Variants in CHM observed in about 807,000 individuals in gnomAD.
The protein encoded by CHM is rab proteins geranylgeranyltransferase component A 1.
In CHM, 10 loss-of-function variants were observed where a neutral mutation model predicts 49.0. That is an observed-to-expected ratio of 0.20 (90% CI 0.13 to 0.35). CHM has a LOEUF of 0.35. CHM is among the 10% of genes least tolerant of loss of function. The pLI is 1.00. For synonymous variants in CHM, 184 were observed against 167.5 expected (o/e 1.10, Z -0.76); for missense variants, 455 against 478.4 (o/e 0.95, Z 0.46).
intron 14 of CHM, among the ~76,000 whole-genome samples, chrX:85,865,241 A>C (rs751943077): frequency 1.2e-4 from 13 of 111,675 alleles, no homozygotes; most frequent in Non-Finnish European, 1.9e-4. Flanking sequence ...GGGGGTGACT[A>C]GATTATGGGG....
intron 8 of CHM, among the ~76,000 whole-genome samples, chrX:85,922,570 G>A (rs1927856525): frequency 8.9e-6 from 1 of 112,784 alleles, no homozygotes; most frequent in Admixed American, 9.4e-5. Context: ...CTCAAGAGCA[G>A]TAGCTAAATA....
rs754387257 is a variant in CHM at position 85,955,369 on chromosome X, C to CT, written c.1166+783dup. 1.1e-3 allele frequency among the ~76,000 whole-genome samples: 120 copies of CT among 111,086 alleles called. 1 individual carries two copies. The highest frequency in any genetic ancestry group is 3.8e-3 in the South Asian group (10 of 2,604). ...TCATGTACCCCACAAACACATATGCCTCCTATGTACCCACAAAAAATAAAA... is the reference window on the plus strand; with the variant it reads ...TCATGTACCCCACAAACACATATGCCTTCCTATGTACCCACAAAAAATAAAA... On this transcript the variant is annotated intron_variant, in intron 8 of 14. Transcript: ENST00000357749.
chrX:85,890,055 G>A (rs899252577), intron 12 of CHM, among the ~76,000 whole-genome samples: 1 of 111,101 alleles, frequency 9.0e-6, no homozygotes, highest in African/African-American at 3.3e-5. Context: ...AAGGAGGGAG[G>A]AAGGGAGGAA....
At chrX:85,896,015 G>A (rs1277735417) in intron 11 of CHM, among the ~76,000 whole-genome samples, 2 of 106,394 alleles carry the variant, frequency 1.9e-5, no homozygotes, top group Non-Finnish European at 3.9e-5. Context: ...AAACCTCATA[G>A]AGATGATAAA....
chrX:85,979,295 C>G (rs1218145992), intron 3 of CHM, among the ~76,000 whole-genome samples: 2 of 110,950 alleles, frequency 1.8e-5, no homozygotes, highest in African/African-American at 6.5e-5. Context: ...TTGGTCAAAA[C>G]AGCAGAGTCA....
intron 9 of CHM, among the ~76,000 whole-genome samples, chrX:85,905,647 TA>T (rs1207032413): frequency 9.0e-6 from 1 of 111,316 alleles, no homozygotes; most frequent in Non-Finnish European, 1.9e-5. Flanking sequence ...AAGGATAACA[TA>T]CAGTTAAGCA....
intron 1 of CHM, among the ~76,000 whole-genome samples, chrX:86,032,592 T>C (rs187553011): frequency 8.9e-6 from 1 of 112,088 alleles, no homozygotes; most frequent in East Asian, 2.8e-4. Context: ...TTATGTAAAC[T>C]ATAGAGGTTC....
chrX:86,045,163 T>C (rs1299379063), intron 1 of CHM, among the ~76,000 whole-genome samples: 2 of 112,278 alleles, frequency 1.8e-5, no homozygotes, highest in African/African-American at 6.5e-5. Flanking sequence ...TTCTGATGCA[T>C]GCATTATTGC....
chrX:85,969,607 G>A (rs777624869), intron 4 of CHM: 16 of 127,672 alleles, frequency 1.3e-4, no homozygotes, highest in Admixed American at 3.8e-4. Context: ...CCTCACTACT[G>A]GGTATATAGC....
chrX:85,932,712 G>C (rs1002619097), intron 8 of CHM, among the ~76,000 whole-genome samples: 1 of 111,819 alleles, frequency 8.9e-6, no homozygotes, highest in Non-Finnish European at 1.9e-5. Context: ...TCCTTTTGGA[G>C]CACAAAGAAA....
chrX:85,951,307 TA>T (rs781143796), intron 8 of CHM, among the ~76,000 whole-genome samples: 9 of 110,636 alleles, frequency 8.1e-5, no homozygotes, highest in African/African-American at 3.0e-4. Flanking sequence ...TACAACTGAA[TA>T]AAAAAATCCC....
rs759047221 is a variant in CHM at position 86,033,084 on chromosome X, C to A, written c.50-5527G>T. Among the ~76,000 whole-genome samples, 113 of 111,443 alleles carry A rather than the reference C, an allele frequency of 1.0e-3. 2 individuals are homozygous for A. The highest frequency in any genetic ancestry group is 4.1e-4 in the Non-Finnish European group (22 of 53,047). The stretch of plus-strand genomic sequence containing the variant: ...CCATTATCTATTCATTTTTCAAAAT[C>A]CCCCTTTAATCCAAATTCTTAATGT... On this transcript the variant is annotated intron_variant, in intron 1 of 14. Transcript: ENST00000357749.
Position 86,005,087 on chromosome X carries a change from C to T in CHM, c.116+22404G>A, listed in dbSNP as rs1477796410. Among the ~76,000 whole-genome samples, 5 of 112,097 alleles carry T rather than the reference C, an allele frequency of 4.5e-5. No homozygotes were observed. In the Admixed American group the frequency reaches 4.7e-4, roughly 11 times the overall value. The stretch of plus-strand genomic sequence containing the variant: ...TCTCTCAGACCACAGTGCAATCAAA[C>T]TAGGACTCAGGATTTAAAAACTCAC... On this transcript the variant is annotated intron_variant, in intron 2 of 14. Transcript: ENST00000357749.
intron 14 of CHM, among the ~76,000 whole-genome samples, chrX:85,868,019 CTG>C (rs36027427): frequency 0.027 from 2,569 of 95,544 alleles, 37 homozygotes; most frequent in East Asian, 0.092. Context: ...ATAGTTACCA[CTG>C]TGTGTGTGTG....
chrX:85,896,931 A>G (rs891543939), intron 11 of CHM, among the ~76,000 whole-genome samples: 3 of 96,727 alleles, frequency 3.1e-5, no homozygotes, highest in African/African-American at 1.1e-4. Flanking sequence ...AATATGTAAT[A>G]CGTAATACAT....
intron 8 of CHM, among the ~76,000 whole-genome samples, chrX:85,955,381 C>T (rs1032483264): frequency 2.1e-4 from 23 of 110,613 alleles, no homozygotes; most frequent in African/African-American, 7.3e-4. Context: ...CCTATGTACC[C>T]ACAAAAAATA....
At chrX:85,960,668 C>T (rs909158975) in intron 5 of CHM, among the ~76,000 whole-genome samples, 4 of 110,767 alleles carry the variant, frequency 3.6e-5, no homozygotes, top group South Asian at 3.9e-4. Context: ...TTAGGTGATC[C>T]GCCCGCTTCA....
intron 1 of CHM, among the ~76,000 whole-genome samples, chrX:86,040,943 T>C (rs775516987): frequency 8.9e-6 from 1 of 112,418 alleles, no homozygotes; most frequent in East Asian, 2.8e-4. Flanking sequence ...TATATTTATA[T>C]ACAGAACAGG....
chrX:85,885,948 T>C (rs1181515894), intron 12 of CHM, among the ~76,000 whole-genome samples: 1 of 111,855 alleles, frequency 8.9e-6, no homozygotes, highest in African/African-American at 3.2e-5. Flanking sequence ...TTTAAAAATA[T>C]AAAATTTACA....
Sources: allele counts gnomAD v4.1 joint callset (sites outside exome capture counted in the v4.1 genomes callset), GRCh38; gene constraint gnomAD v4.1.1; transcripts MANE v1.5; gene names NCBI Gene and HGNC (gene_info 2026-07-23, HGNC 2026-07-21).